The following KCNH5 variants were observed in gnomAD, a reference collection of about 807,000 sequenced individuals.
KCNH5 encodes voltage-gated delayed rectifier potassium channel KCNH5.
In KCNH5, 46 loss-of-function variants were observed where a neutral mutation model predicts 96.1. That is an observed-to-expected ratio of 0.48 (90% confidence interval 0.38 to 0.61). The LOEUF (loss-of-function observed/expected upper bound fraction) is 0.61. Ranked by LOEUF, KCNH5 falls within the 20% of genes least tolerant of loss-of-function variation. KCNH5 has a pLI of 0.00. For synonymous variants in KCNH5, 439 were observed against 449.8 expected, an observed-to-expected ratio of 0.98 and a Z score of 0.30; for missense variants, 907 against 1,225.8, an observed-to-expected ratio of 0.74 and a Z score of 3.88.
At chr14:62,951,495 G>A (rs1054380964) in intron 6 of KCNH5, among the ~76,000 whole-genome samples, 5 of 152,130 alleles carry the variant, frequency 3.3e-5, no homozygotes, top group Admixed American at 6.5e-5. Context: ...AAATCCATTC[G>A]TATCCATGAC....
intron 7 of KCNH5, among the ~76,000 whole-genome samples, chr14:62,861,896 T>TTATA (rs767106597): frequency 2.6e-5 from 4 of 152,168 alleles, no homozygotes; most frequent in Non-Finnish European, 4.4e-5. Flanking sequence ...TACCTATTTA[T>TTATA]AAGTCTAGCT....
At chr14:62,824,057 T>C (rs968396728) in intron 8 of KCNH5, among the ~76,000 whole-genome samples, 1 of 151,360 alleles carries the variant, frequency 6.6e-6, no homozygotes, top group Non-Finnish European at 1.5e-5. Flanking sequence ...CAGAAAAACA[T>C]CCAGGATTTA....
At chr14:62,750,942 A>T (rs1271461549) in intron 10 of KCNH5, among the ~76,000 whole-genome samples, 1 of 151,976 alleles carries the variant, frequency 6.6e-6, no homozygotes, top group Non-Finnish European at 1.5e-5. Flanking sequence ...CTACCTCAGG[A>T]TTATCTAGAG....
intron 10 of KCNH5, among the ~76,000 whole-genome samples, chr14:62,768,880 T>C (rs1488433706): frequency 1.3e-5 from 2 of 152,222 alleles, no homozygotes; most frequent in East Asian, 3.8e-4. Flanking sequence ...GCAAGGTATC[T>C]GTGAACCTCT....
At chr14:62,904,753 C>T (rs1459628401) in intron 7 of KCNH5, among the ~76,000 whole-genome samples, 2 of 152,170 alleles carry the variant, frequency 1.3e-5, no homozygotes, top group Non-Finnish European at 2.9e-5. Context: ...ATAAAAAGGC[C>T]TGAATTGTGA....
rs1411945402 is a variant in KCNH5, at chr14:62,906,833, T to C, written c.1369+43300A>G. On this transcript the variant is annotated intron_variant, in intron 7 of 10. Transcript: ENST00000322893. ...TCCTCATCAGCAAGAAATGTATATA[T>C]CTGTAAAGAGAGTTTACTGTACTTG... is the stretch of plus-strand genomic sequence containing the variant. Among the ~76,000 whole-genome samples the C allele has an allele frequency of 2.6e-5, 4 of 152,146 alleles. No individual in the cohort carries two copies. The East Asian group carries it at 7.7e-4, about 29-fold the overall frequency.
intron 5 of KCNH5, among the ~76,000 whole-genome samples, chr14:62,986,639 C>T (rs899066140): frequency 1.3e-5 from 2 of 152,178 alleles, no homozygotes; most frequent in Non-Finnish European, 2.9e-5. Flanking sequence ...CAGGCTCCCA[C>T]AGCACCCTGT....
intron 9 of KCNH5, among the ~76,000 whole-genome samples, chr14:62,783,662 T>A (rs1886263409): frequency 6.6e-6 from 1 of 152,208 alleles, no homozygotes; most frequent in African/African-American, 2.4e-5. Context: ...CTGCATGTAA[T>A]ATTCACTATA....
At chr14:62,982,180 T>C (rs1328764117) in intron 5 of KCNH5, among the ~76,000 whole-genome samples, 1 of 152,070 alleles carries the variant, frequency 6.6e-6, no homozygotes, top group Non-Finnish European at 1.5e-5. Flanking sequence ...AATACAAATA[T>C]TAGATGGGCG....
At chr14:62,933,649 T>G (rs1889623257) in intron 7 of KCNH5, among the ~76,000 whole-genome samples, 1 of 152,014 alleles carries the variant, frequency 6.6e-6, no homozygotes, top group South Asian at 2.1e-4. Context: ...ACCAAAAAAA[T>G]GAAAATGATT....
At chr14:63,010,383 C>A (rs2139601230) in intron 2 of KCNH5, among the ~76,000 whole-genome samples, 1 of 152,292 alleles carries the variant, frequency 6.6e-6, no homozygotes, top group African/African-American at 2.4e-5. Context: ...CCCTTCCCCA[C>A]CCCAGCCTCA....
chr14:62,984,474 A>T (rs530085676), intron 5 of KCNH5, among the ~76,000 whole-genome samples: 1 of 152,218 alleles, frequency 6.6e-6, no homozygotes, highest in African/African-American at 2.4e-5. Flanking sequence ...AGCACCTCAA[A>T]TTCCATAGCT....
At chr14:62,745,555 C>T (rs909819824) in intron 10 of KCNH5, among the ~76,000 whole-genome samples, 1 of 152,116 alleles carries the variant, frequency 6.6e-6, no homozygotes, top group Non-Finnish European at 1.5e-5. Context: ...TTTAAACAAT[C>T]CCTGGAATAA....
chr14:62,707,288 T>A lies in KCNH5; in HGVS notation c.*220A>T. On this transcript the variant is annotated 3_prime_UTR_variant, in exon 11 of 11. Coordinates refer to ENST00000322893, the MANE Select transcript of KCNH5 (RefSeq NM_139318.5). The stretch of plus-strand genomic sequence containing the variant: ...AGAGATTATAAATAAATGTAAAGTG[T>A]GCATGCAGTCAACTGCATAATATAC... The A allele has an allele frequency of 3.5e-6, 1 of 283,552 alleles. No homozygotes were observed. The highest frequency in any genetic ancestry group is 6.4e-6 in the Non-Finnish European group (1 of 157,036). The allele number at this position is 283,552 out of a possible 1,614,324, so 17.6% of individuals were successfully genotyped here.
chr14:62,947,679 C>A (rs1219479822), intron 7 of KCNH5, among the ~76,000 whole-genome samples: 1 of 151,374 alleles, frequency 6.6e-6, no homozygotes, highest in Non-Finnish European at 1.5e-5. Flanking sequence ...AAAATCTAAG[C>A]CTCTGCAACA....
At chr14:62,876,549 A>T (rs921806903) in intron 7 of KCNH5, among the ~76,000 whole-genome samples, 1 of 152,258 alleles carries the variant, frequency 6.6e-6, no homozygotes, top group Non-Finnish European at 1.5e-5. Flanking sequence ...TTATTTCTAT[A>T]CACTACCAAC....
chr14:62,757,257 T>C (rs1259624536), intron 10 of KCNH5, among the ~76,000 whole-genome samples: 1 of 152,172 alleles, frequency 6.6e-6, no homozygotes, highest in African/African-American at 2.4e-5. Context: ...TATCACCCCA[T>C]TTAAAATGGC....
chr14:63,003,558 TA>T (rs1232824685), intron 3 of KCNH5, among the ~76,000 whole-genome samples: 5,741 of 122,000 alleles, frequency 0.047, 273 homozygotes, highest in East Asian at 0.15. Flanking sequence ...TAGTATATAT[TA>T]TATATATTTA....
chr14:62,756,849 G>A (rs1435926666), intron 10 of KCNH5, among the ~76,000 whole-genome samples: 1 of 152,158 alleles, frequency 6.6e-6, no homozygotes, highest in Non-Finnish European at 1.5e-5. Context: ...TGAATGTACT[G>A]AAAGAAAACA....
Sources: gnomAD v4.1 joint callset for allele counts (sites outside exome capture counted in the v4.1 genomes callset) on GRCh38, gnomAD v4.1.1 for gene constraint, MANE v1.5 for transcripts, NCBI Gene and HGNC (gene_info 2026-07-23, HGNC 2026-07-21) for gene names.